The following NR2C1 variants were observed in gnomAD, a reference collection of about 807,000 sequenced individuals.
NR2C1 encodes the protein nuclear receptor subfamily 2 group C member 1, also known as TR2 nuclear hormone receptor.
A neutral mutation model predicts 74.8 loss-of-function variants in NR2C1; 33 were observed. That is an observed-to-expected ratio of 0.44 (90% CI 0.33 to 0.59). The LOEUF (loss-of-function observed/expected upper bound fraction) is 0.59, where lower values mean the gene tolerates loss of function less well. Ranked by LOEUF, NR2C1 falls within the 20% of genes least tolerant of loss-of-function variation. The pLI is 0.02. For missense variants in NR2C1, 568 were observed against 715.6 expected (o/e 0.79, Z 2.35); for synonymous variants, 225 against 240.6 (o/e 0.94, Z 0.60).
At chr12:95,071,276 G>C (rs1396851215) in intron 1 of NR2C1, among the ~76,000 whole-genome samples, 2 of 151,328 alleles carry the variant, frequency 1.3e-5, no homozygotes, top group East Asian at 3.9e-4. Context: ...CAATTATTTT[G>C]TAGACTAAGG....
At chr12:95,065,603 C>T (rs887812983) in intron 2 of NR2C1, among the ~76,000 whole-genome samples, 1 of 151,964 alleles carries the variant, frequency 6.6e-6, no homozygotes, top group Admixed American at 6.6e-5. Flanking sequence ...AGCATTTATC[C>T]TGTATGCTAT....
intron 7 of NR2C1, among the ~76,000 whole-genome samples, chr12:95,056,637 A>G (rs1194575864): frequency 6.6e-6 from 1 of 152,200 alleles, no homozygotes; most frequent in Non-Finnish European, 1.5e-5. Context: ...GGCACTAACA[A>G]ATCTGTAAGG....
At chr12:95,064,200 GTGCCT>G (rs1173386018) in intron 2 of NR2C1, among the ~76,000 whole-genome samples, 1 of 151,486 alleles carries the variant, frequency 6.6e-6, no homozygotes, top group Non-Finnish European at 1.5e-5. Context: ...ATGGTGGCAT[GTGCCT>G]GTAATCCGAG....
chr12:95,073,016 C>G (rs1565884815), intron 1 of NR2C1: 1 of 152,274 alleles, frequency 6.6e-6, no homozygotes, highest in Non-Finnish European at 1.5e-5. Context: ...CGCGGCTCTC[C>G]CGGGCGGGGA....
At position 95,040,617 on chromosome 12, in the gene NR2C1, A is replaced by C. The variant is rs1389823746; in HGVS notation, c.1132-20T>G. On this transcript the variant is annotated intron_variant, in intron 9 of 13. Transcript: ENST00000333003. ...GGTGAGCTAGTATGAACAGGGATTT[A>C]GGTAAATTATCTTATGACTGAAAAG... The C allele has an allele frequency of 1.9e-6, 3 of 1,573,902 alleles. No individual in the cohort carries two copies. Among genetic ancestry groups the C allele is most frequent in the South Asian group, 2.4e-5 (2 of 85,084 alleles).
chr12:95,041,244 T>C (rs1032095191), intron 9 of NR2C1, among the ~76,000 whole-genome samples: 3 of 152,080 alleles, frequency 2.0e-5, no homozygotes, highest in Admixed American at 6.6e-5. Context: ...TCCCAGCACT[T>C]TGGGAGGTGG....
intron 7 of NR2C1, among the ~76,000 whole-genome samples, chr12:95,056,685 G>A (rs1353752248): frequency 1.3e-5 from 2 of 152,296 alleles, no homozygotes; most frequent in East Asian, 1.9e-4. Context: ...ACGGCTGGGC[G>A]TGCTGGCTCA....
chr12:95,062,458 A>AC (rs1565872702), intron 3 of NR2C1, 50 bp downstream of exon 3: 1 of 1,206,610 alleles, frequency 8.3e-7, no homozygotes, highest in Non-Finnish European at 1.2e-6. Context: ...TATGATTAAA[A>AC]TTTTTTTTTT....
intron 7 of NR2C1, among the ~76,000 whole-genome samples, chr12:95,054,321 CAG>C (rs1873516645): frequency 6.7e-6 from 1 of 148,526 alleles, no homozygotes; most frequent in African/African-American, 2.5e-5. Context: ...TTTTAAGAGA[CAG>C]TGTTTTTTAG....
chr12:95,055,947 C>T (rs534719391), intron 7 of NR2C1, among the ~76,000 whole-genome samples: 24 of 103,372 alleles, frequency 2.3e-4, no homozygotes, highest in Non-Finnish European at 3.7e-4. Flanking sequence ...AGCAAGACTC[C>T]GTCTCAAAAA....
rs79760875 is a variant in NR2C1, at chr12:95,059,986, T to TAA, written c.286-4_286-3dup. ...GTCTGGAGAATTATCTGTTAGGAGC[T>TAA]AAAAAAAAAAAAAAAAAAAAAGAAA... On this transcript the variant is annotated splice_region_variant and splice_polypyrimidine_tract_variant and intron_variant, in intron 3 of 13. Coordinates refer to ENST00000333003, the MANE Select transcript of NR2C1 (RefSeq NM_003297.4). The TAA allele has an allele frequency of 2.1e-3, 2,251 of 1,072,708 alleles. No individual in the cohort carries two copies. The highest frequency in any genetic ancestry group is 4.5e-3 in the South Asian group (237 of 52,198). The allele number at this position is 1,072,708 out of a possible 1,614,324, so 66.4% of individuals were successfully genotyped here.
intron 10 of NR2C1, among the ~76,000 whole-genome samples, chr12:95,038,552 G>A (rs1224194356): frequency 6.6e-6 from 1 of 152,220 alleles, no homozygotes; most frequent in Non-Finnish European, 1.5e-5. Context: ...GAGGCCAGCA[G>A]TTTGAGAACT....
At chr12:95,052,688 A>C (rs549802511) in intron 7 of NR2C1, among the ~76,000 whole-genome samples, 1 of 152,040 alleles carries the variant, frequency 6.6e-6, no homozygotes, top group East Asian at 1.9e-4. Context: ...CCTGGTATCA[A>C]GTGATCCTCC....
intron 13 of NR2C1, among the ~76,000 whole-genome samples, chr12:95,023,002 CAA>C (rs890394601): frequency 1.3e-5 from 2 of 151,950 alleles, no homozygotes; most frequent in Non-Finnish European, 2.9e-5. Flanking sequence ...TGTGCCGGGC[CAA>C]GTTATACATT....
chr12:95,025,720 A>C (rs1166748262), intron 12 of NR2C1, among the ~76,000 whole-genome samples: 1 of 148,408 alleles, frequency 6.7e-6, no homozygotes, highest in Non-Finnish European at 1.5e-5. Flanking sequence ...GATTGAGGCC[A>C]CCTACTATAT....
chr12:95,055,649 T>G (rs1873719043), intron 7 of NR2C1, among the ~76,000 whole-genome samples: 1 of 152,074 alleles, frequency 6.6e-6, no homozygotes, highest in Non-Finnish European at 1.5e-5. Flanking sequence ...AATAATCTTA[T>G]AGGTTATATA....
At position 95,023,137 on chromosome 12, in the gene NR2C1, AT is replaced by A. The variant is rs559383207; in HGVS notation, c.1638-735del. 2.1e-3 allele frequency among the ~76,000 whole-genome samples: 322 copies of A among 150,824 alleles called. 4 individuals are homozygous for A. Among genetic ancestry groups the A allele is most frequent in the African/African-American group, 7.6e-3 (307 of 40,406 alleles). On this transcript the variant is annotated intron_variant, in intron 13 of 13. Transcript: ENST00000333003. ...TGAAACCTCATCTCTACTAAAAAAA[AT>A]AATAATAAAATAAAATAAAATCAGC...
chr12:95,043,689 C>CAAAAAAAAGAAAAAAAAAAAAAAAAA (rs1871903509), intron 9 of NR2C1, among the ~76,000 whole-genome samples: 1 of 94,288 alleles, frequency 1.1e-5, no homozygotes, highest in Non-Finnish European at 2.3e-5. Flanking sequence ...GACTCTGTCT[C>CAAAAAAAAGAAAAAAAAAAAAAAAAA]AAAAAAAAAA....
chr12:95,054,739 C>T (rs934073112), intron 7 of NR2C1, among the ~76,000 whole-genome samples: 3 of 152,298 alleles, frequency 2.0e-5, no homozygotes, highest in Middle Eastern at 3.4e-3. Context: ...AGCAACATAT[C>T]TAACTAGATT....
Sources: gnomAD v4.1 joint callset for allele counts (sites outside exome capture counted in the v4.1 genomes callset) on GRCh38, gnomAD v4.1.1 for gene constraint, MANE v1.5 for transcripts, NCBI Gene and HGNC (gene_info 2026-07-23, HGNC 2026-07-21) for gene names.